SORCS1: variants seen among roughly 807,000 people sequenced by gnomAD.
SORCS1 encodes the protein VPS10 domain-containing receptor SorCS1.
A neutral mutation model predicts 146.1 loss-of-function variants in SORCS1; 60 were observed. The ratio of observed to expected loss-of-function variants is 0.41; its 90% CI spans 0.33 to 0.51. The LOEUF (loss-of-function observed/expected upper bound fraction) is 0.51. Among genes scored for constraint, SORCS1 ranks in the 20% least tolerant of loss-of-function variants. SORCS1 has a pLI of 0.21. For synonymous variants in SORCS1, 637 were observed against 584.0 expected (o/e 1.09, Z -1.31); for missense variants, 1,352 against 1,487.6 (o/e 0.91, Z 1.50).
intron 2 of SORCS1, among the ~76,000 whole-genome samples, chr10:106,836,859 C>T: frequency 6.6e-6 from 1 of 152,152 alleles, no homozygotes; most frequent in Non-Finnish European, 1.5e-5. Context: ...TGATTGGGCT[C>T]AACCAGTTAA....
intron 1 of SORCS1, among the ~76,000 whole-genome samples, chr10:107,144,825 G>C (rs544332951): frequency 3.9e-5 from 6 of 152,334 alleles, no homozygotes; most frequent in African/African-American, 1.4e-4. Flanking sequence ...TCACGATAGA[G>C]ACAGAGAGAC....
intron 1 of SORCS1, among the ~76,000 whole-genome samples, chr10:107,073,443 G>A (rs1962611169): frequency 6.6e-6 from 1 of 152,228 alleles, no homozygotes; most frequent in Non-Finnish European, 1.5e-5. Flanking sequence ...TAATTGAGGG[G>A]ATTCTACCAT....
intron 18 of SORCS1, among the ~76,000 whole-genome samples, chr10:106,635,787 T>C (rs1368053245): frequency 6.6e-6 from 1 of 152,210 alleles, no homozygotes; most frequent in Non-Finnish European, 1.5e-5. Flanking sequence ...TATTTTTGTG[T>C]TATTTTGACC....
chr10:107,008,384 G>A (rs987440189), intron 1 of SORCS1, among the ~76,000 whole-genome samples: 4 of 152,050 alleles, frequency 2.6e-5, no homozygotes, highest in Non-Finnish European at 4.4e-5. Flanking sequence ...TTTTCTCTGG[G>A]ACAACTAAAC....
chr10:106,577,982 T>C (rs928893312), intron 25 of SORCS1: 1 of 156,154 alleles, frequency 6.4e-6, no homozygotes. Context: ...CTTTCCCATA[T>C]TCATTTAAAG....
chr10:106,666,816 T>G (rs1339277820), intron 17 of SORCS1, among the ~76,000 whole-genome samples: 1 of 151,918 alleles, frequency 6.6e-6, no homozygotes, highest in Non-Finnish European at 1.5e-5. Context: ...TCCGCCCACC[T>G]TAGCCTCCCA....
At chr10:106,957,331 G>A (rs868143469) in intron 1 of SORCS1, among the ~76,000 whole-genome samples, 2 of 151,476 alleles carry the variant, frequency 1.3e-5, no homozygotes, top group African/African-American at 4.8e-5. Flanking sequence ...CCACCACCAC[G>A]CCCGGCTAAT....
intron 23 of SORCS1, among the ~76,000 whole-genome samples, chr10:106,606,826 G>C (rs571344674): frequency 6.6e-6 from 1 of 152,182 alleles, no homozygotes; most frequent in African/African-American, 2.4e-5. Context: ...GTTTTATATG[G>C]GGCTTTCCCT....
At chr10:106,628,241 C>T (rs1272379959) in intron 19 of SORCS1, among the ~76,000 whole-genome samples, 1 of 152,152 alleles carries the variant, frequency 6.6e-6, no homozygotes, top group African/African-American at 2.4e-5. Flanking sequence ...TTTGTCATCC[C>T]CTAATAGTCT....
At chr10:106,643,496 A>G (rs1042037194) in intron 18 of SORCS1, among the ~76,000 whole-genome samples, 24 of 152,214 alleles carry the variant, frequency 1.6e-4, no homozygotes, top group Non-Finnish European at 2.1e-4. Flanking sequence ...TCTCACAATC[A>G]CATGTGAGGT....
intron 2 of SORCS1, among the ~76,000 whole-genome samples, chr10:106,950,730 G>C (rs1347857296): frequency 6.6e-6 from 1 of 152,098 alleles, no homozygotes; most frequent in East Asian, 1.9e-4. Context: ...AGCTCTGGAA[G>C]ACAGATAAGC....
intron 8 of SORCS1, 80 bp downstream of exon 8, chr10:106,706,463 AAG>A: frequency 7.4e-7 from 1 of 1,346,258 alleles, no homozygotes; most frequent in Non-Finnish European, 1.1e-6. Flanking sequence ...GAGAGGCTGA[AAG>A]AGTCCTTGGG....
At chr10:106,719,778 A>G (rs1855652586) in intron 6 of SORCS1, among the ~76,000 whole-genome samples, 1 of 152,142 alleles carries the variant, frequency 6.6e-6, no homozygotes, top group African/African-American at 2.4e-5. Context: ...AACATAAGAG[A>G]TGCTCAACAA....
chr10:107,155,822 CACA>C (rs1393487247), intron 1 of SORCS1, among the ~76,000 whole-genome samples: 1 of 152,114 alleles, frequency 6.6e-6, no homozygotes, highest in Non-Finnish European at 1.5e-5. Context: ...GGTTCCAGGG[CACA>C]ACATGATTAG....
chr10:106,978,576 G>T (rs976132691), intron 1 of SORCS1, among the ~76,000 whole-genome samples: 2 of 152,072 alleles, frequency 1.3e-5, no homozygotes, highest in African/African-American at 4.8e-5. Context: ...GAGGCAGGCA[G>T]ATCATGAGGT....
intron 1 of SORCS1, among the ~76,000 whole-genome samples, chr10:107,004,175 C>CAAAAAAAAAAAAA: frequency 2.0e-5 from 1 of 49,578 alleles, no homozygotes; most frequent in Non-Finnish European, 3.6e-5. Context: ...GATCCCATCT[C>CAAAAAAAAAAAAA]AAAAAAAAAA....
At chr10:106,705,107 A>G (rs919768887) in intron 8 of SORCS1, among the ~76,000 whole-genome samples, 1 of 152,212 alleles carries the variant, frequency 6.6e-6, no homozygotes. Flanking sequence ...GGAGAAAAAA[A>G]AAACAAACAC....
intron 1 of SORCS1, among the ~76,000 whole-genome samples, chr10:107,052,934 T>C (rs1960260930): frequency 6.6e-6 from 1 of 152,102 alleles, no homozygotes; most frequent in Non-Finnish European, 1.5e-5. Context: ...CTTCTCTTTC[T>C]CCTCTAGCCA....
chr10:106,913,267 A>G (rs563249925), intron 2 of SORCS1, among the ~76,000 whole-genome samples: 6 of 152,328 alleles, frequency 3.9e-5, no homozygotes, highest in African/African-American at 1.4e-4. Context: ...GGCGCTTCGA[A>G]TGTTCATTAT....
Sources: allele counts gnomAD v4.1 joint callset (sites outside exome capture counted in the v4.1 genomes callset), GRCh38; gene constraint gnomAD v4.1.1; transcripts MANE v1.5; gene names NCBI Gene and HGNC (gene_info 2026-07-23, HGNC 2026-07-21).